ANK3: variants seen among roughly 807,000 people sequenced by gnomAD.
The protein encoded by ANK3 is ankyrin-3.
ANK3 carries 57 observed loss-of-function variants against 370.9 expected under a neutral mutation model. That is an observed-to-expected ratio of 0.15 (90% CI 0.12 to 0.19). The LOEUF is 0.19. ANK3 is among the 10% of genes least tolerant of loss of function. ANK3 has a pLI of 1.00. For synonymous variants in ANK3, 1,929 were observed against 1,946.3 expected, an observed-to-expected ratio of 0.99 and a Z score of 0.23; for missense variants, 4,439 against 5,302.1, an observed-to-expected ratio of 0.84 and a Z score of 5.06.
At chr10:60,248,154 C>T (rs534541899) in intron 7 of ANK3, among the ~76,000 whole-genome samples, 51 of 152,264 alleles carry the variant, frequency 3.3e-4, no homozygotes, top group African/African-American at 1.2e-3. Flanking sequence ...GTACAAATAC[C>T]TCTTGAGAAC....
At position 60,353,153 on chromosome 10, in the gene ANK3, G is replaced by GT. The variant is rs1481181095; in HGVS notation, c.114+36271dup. On this transcript the variant is annotated intron_variant, in intron 1 of 43. Transcript: ENST00000280772. ...GCACCATCACACCTGGCTAATTTTT[G>GT]TTTTGTTTTTTTTTTTTTTTTTAGA... 3.6e-4 allele frequency among the ~76,000 whole-genome samples: 49 copies of GT among 135,862 alleles called. 1 individual carries two copies. The South Asian group carries it at 4.0e-3, about 11-fold the overall frequency. 89.1% of individuals were successfully genotyped at this position (135,862 alleles called of 152,430 possible).
intron 7 of ANK3, among the ~76,000 whole-genome samples, chr10:60,253,535 C>T (rs1410360387): frequency 6.6e-6 from 1 of 152,168 alleles, no homozygotes; most frequent in African/African-American, 2.4e-5. Context: ...CAGGAAAAGG[C>T]AGAAATGAGA....
intron 8 of ANK3, among the ~76,000 whole-genome samples, chr10:60,229,110 T>C (rs370706965): frequency 6.6e-6 from 1 of 152,342 alleles, no homozygotes; most frequent in African/African-American, 2.4e-5. Context: ...AGATATTCTC[T>C]CGTGTTTTGA....
intron 1 of ANK3, among the ~76,000 whole-genome samples, chr10:60,348,347 C>CAAAAAAAAAA (rs35147179): frequency 4.4e-4 from 30 of 68,128 alleles, no homozygotes; most frequent in African/African-American, 7.1e-4. Flanking sequence ...TATCACTAGC[C>CAAAAAAAAAA]AAAAAAAAAA....
chr10:60,269,648 T>TCCCCCCC (rs71836520), intron 5 of ANK3, among the ~76,000 whole-genome samples: 87 of 109,862 alleles, frequency 7.9e-4, no homozygotes, highest in Non-Finnish European at 9.6e-4. Context: ...CCATCCCCCC[T>TCCCCCCC]CCCCCCCCCC....
At chr10:60,182,656 A>C (rs1216410332) in intron 17 of ANK3, among the ~76,000 whole-genome samples, 1 of 152,208 alleles carries the variant, frequency 6.6e-6, no homozygotes, top group Non-Finnish European at 1.5e-5. Flanking sequence ...AGGCAGTTTC[A>C]GGAAGAGCAC....
chr10:60,185,471 C>T (rs540810427), intron 17 of ANK3, among the ~76,000 whole-genome samples: 14 of 152,270 alleles, frequency 9.2e-5, no homozygotes, highest in African/African-American at 3.1e-4. Context: ...TATAACTTGC[C>T]TAAATGACAC....
At chr10:60,630,194 C>T (rs1268140143) in intron 1 of ANK3, among the ~76,000 whole-genome samples, 1 of 152,010 alleles carries the variant, frequency 6.6e-6, no homozygotes, top group Non-Finnish European at 1.5e-5. Context: ...CTCCTCATTA[C>T]CAATTTGCTG....
intron 2 of ANK3, among the ~76,000 whole-genome samples, chr10:60,538,480 C>T (rs1296553785): frequency 1.3e-5 from 2 of 151,848 alleles, no homozygotes; most frequent in African/African-American, 2.4e-5. Context: ...TCCCATGTTG[C>T]CTCTTAAAAG....
intron 38 of ANK3, among the ~76,000 whole-genome samples, chr10:60,066,001 A>T (rs2081572799): frequency 6.6e-6 from 1 of 152,194 alleles, no homozygotes; most frequent in African/African-American, 2.4e-5. Context: ...TCTTGTTTTA[A>T]AAAAAGCACA....
intron 2 of ANK3, among the ~76,000 whole-genome samples, chr10:60,526,356 A>G (rs1414955891): frequency 1.3e-5 from 2 of 152,150 alleles, no homozygotes; most frequent in Non-Finnish European, 2.9e-5. Flanking sequence ...AGCAACTTTA[A>G]AAACAGTATC....
chr10:60,312,589 C>T (rs1169522269), intron 1 of ANK3, among the ~76,000 whole-genome samples: 4 of 152,116 alleles, frequency 2.6e-5, no homozygotes, highest in Admixed American at 2.6e-4. Context: ...GATGGGACCT[C>T]ATAGTCAGTG....
At chr10:60,684,707 C>T in intron 1 of ANK3, 3 of 1,587,526 alleles carry the variant, frequency 1.9e-6, no homozygotes, top group South Asian at 2.2e-5. Flanking sequence ...AATTCTAAAA[C>T]AGTCACTTTT....
At chr10:60,374,546 A>T (rs1437047490) in intron 1 of ANK3, among the ~76,000 whole-genome samples, 1 of 152,178 alleles carries the variant, frequency 6.6e-6, no homozygotes, top group South Asian at 2.1e-4. Context: ...AAGTAGAGTT[A>T]TTCTCACCAG....
Position 60,075,571 on chromosome 10 carries a change from C to T in ANK3, c.5310G>A (p.Thr1770=), listed in dbSNP as rs572321161. ...TDTVEKVFST[T]TAMPFSPLRS... ...TGAGTGGGGAAAATGGCATTGCAGT[C>T]GTGGTAGAAAACACTTTCTCAACTG... is the stretch of plus-strand genomic sequence containing the variant. Residue 1770 remains threonine, a synonymous_variant, in exon 37 of 44, where the codon ACG becomes ACA. Coordinates refer to ENST00000280772, the MANE Select transcript of ANK3 (RefSeq NM_020987.5). 23 of 1,614,006 alleles carry T rather than the reference C, an allele frequency of 1.4e-5. No homozygotes were observed. Among genetic ancestry groups the T allele is most frequent in the African/African-American group, 8.0e-5 (6 of 75,014 alleles).
intron 24 of ANK3, among the ~76,000 whole-genome samples, chr10:60,135,337 C>T (rs2094289813): frequency 6.6e-6 from 1 of 152,208 alleles, no homozygotes; most frequent in African/African-American, 2.4e-5. Context: ...GGGAGGCTGT[C>T]ATGAGATAGC....
At chr10:60,441,221 C>T (rs369638771) in intron 2 of ANK3, among the ~76,000 whole-genome samples, 6 of 152,204 alleles carry the variant, frequency 3.9e-5, no homozygotes, top group African/African-American at 1.4e-4. Flanking sequence ...TTTCAATGAG[C>T]ATTACTATTT....
intron 2 of ANK3, among the ~76,000 whole-genome samples, chr10:60,420,329 T>C (rs1296789647): frequency 6.6e-6 from 1 of 152,150 alleles, no homozygotes; most frequent in Non-Finnish European, 1.5e-5. Context: ...GGGTCATGTT[T>C]AAGGCACTGA....
intron 2 of ANK3, among the ~76,000 whole-genome samples, chr10:60,397,136 G>T (rs771038962): frequency 1.3e-5 from 2 of 151,080 alleles, no homozygotes; most frequent in Non-Finnish European, 2.9e-5. Context: ...GAAAGCAAAG[G>T]ATCTTATCTC....
Sources: gnomAD v4.1 joint callset for allele counts (sites outside exome capture counted in the v4.1 genomes callset) on GRCh38, gnomAD v4.1.1 for gene constraint, MANE v1.5 for transcripts, NCBI Gene and HGNC (gene_info 2026-07-23, HGNC 2026-07-21) for gene names.